Variants in TMEM88 observed in about 807,000 individuals in gnomAD.
The protein encoded by TMEM88 is transmembrane protein 88.
In TMEM88, 8 loss-of-function variants were observed where a neutral mutation model predicts 10.0. The ratio of observed to expected loss-of-function variants is 0.80; its 90% CI spans 0.47 to 1.44. The LOEUF (loss-of-function observed/expected upper bound fraction) is 1.44, where lower values mean the gene tolerates loss of function less well. Among genes scored for constraint, TMEM88 ranks in the 40% most tolerant of loss-of-function variants. The probability of loss-of-function intolerance (pLI) is 0.00; values close to 1 mark genes in which losing one functional copy is unlikely to be tolerated. For missense variants in TMEM88, 255 were observed against 217.8 expected, an observed-to-expected ratio of 1.17 and a Z score of -1.07; for synonymous variants, 139 against 104.9, an observed-to-expected ratio of 1.33 and a Z score of -1.99.
At position 7,856,033 on chromosome 17, in the gene TMEM88, TGGGGCTGGGGGGC is replaced by T. The variant is rs1485914260; in HGVS notation, c.*328_*340del. The T allele has an allele frequency of 2.1e-5, 24 of 1,152,046 alleles. No homozygotes were observed. The East Asian group carries it at 2.8e-4, about 13-fold the overall frequency. 71.4% of individuals were successfully genotyped at this position (1,152,046 alleles called of 1,614,324 possible). ...TATGGTGCAGCTTCTCTAGTATTTC[TGGGGCTGGGGGGC>T]GGGGCTGGAGGGGAAGGAGTGTCCA... is the stretch of plus-strand genomic sequence containing the variant. On this transcript the variant is annotated 3_prime_UTR_variant, in exon 2 of 2. Coordinates refer to ENST00000301599, the MANE Select transcript of TMEM88 (RefSeq NM_203411.2).
At position 7,855,838 on chromosome 17, in the gene TMEM88, C is replaced by T. The variant is rs1159583104; in HGVS notation, c.*124C>T. ...CTGCCTGAGCGGAGTCCTAGCATCC[C>T]CTTGGGAGCAGCAGCGTCAGTGGAC... is the stretch of plus-strand genomic sequence containing the variant. On this transcript the variant is annotated 3_prime_UTR_variant, in exon 2 of 2. Coordinates refer to ENST00000301599, the MANE Select transcript of TMEM88 (RefSeq NM_203411.2). The T allele has an allele frequency of 1.4e-6, 2 of 1,422,616 alleles. No individual in the cohort carries two copies. Among genetic ancestry groups the T allele is most frequent in the Non-Finnish European group, 9.2e-7 (1 of 1,090,946 alleles). 88.1% of individuals were successfully genotyped at this position (1,422,616 alleles called of 1,614,324 possible). A position where few individuals can be genotyped will look rare whatever the true frequency, so the allele number is the denominator to read the frequency against.
Position 7,856,059 on chromosome 17 carries a change from G to A in TMEM88, c.*345G>A, listed in dbSNP as rs2078805146. Reference sequence around the variant, plus strand: ...GGGGCTGGGGGGCGGGGCTGGAGGGGAAGGAGTGTCCACGCATCAATAAAG... The same window carrying A: ...GGGGCTGGGGGGCGGGGCTGGAGGGAAAGGAGTGTCCACGCATCAATAAAG... On this transcript the variant is annotated 3_prime_UTR_variant, in exon 2 of 2. Coordinates refer to ENST00000301599, the MANE Select transcript of TMEM88 (RefSeq NM_203411.2). 9.7e-7 allele frequency: 1 copy of A among 1,034,632 alleles called. No individual in the cohort carries two copies. The highest frequency in any genetic ancestry group is 1.7e-5 in the African/African-American group (1 of 60,278). 64.1% of individuals were successfully genotyped at this position (1,034,632 alleles called of 1,614,324 possible).
Position 7,856,028 on chromosome 17 carries a change from A to T in TMEM88, c.*314A>T. 4.0e-4 allele frequency: 395 copies of T among 977,926 alleles called. No homozygotes were observed. The highest frequency in any genetic ancestry group is 4.7e-4 in the Non-Finnish European group (353 of 744,238). The allele number at this position is 977,926 out of a possible 1,614,324, so 60.6% of individuals were successfully genotyped here. A position where few individuals can be genotyped will look rare whatever the true frequency, so the allele number is the denominator to read the frequency against. On this transcript the variant is annotated 3_prime_UTR_variant, in exon 2 of 2. Transcript: ENST00000301599. Reference sequence around the variant, plus strand: ...CGTTTTATGGTGCAGCTTCTCTAGTATTTCTGGGGCTGGGGGGCGGGGCTG... The same window carrying T: ...CGTTTTATGGTGCAGCTTCTCTAGTTTTTCTGGGGCTGGGGGGCGGGGCTG...
rs930000045 is a variant in TMEM88, at chr17:7,855,869, G to A, written c.*155G>A. 1 of 1,405,056 alleles carries A rather than the reference G, an allele frequency of 7.1e-7. No individual in the cohort carries two copies. The allele number at this position is 1,405,056 out of a possible 1,614,324, so 87.0% of individuals were successfully genotyped here. On this transcript the variant is annotated 3_prime_UTR_variant, in exon 2 of 2. Coordinates refer to ENST00000301599, the MANE Select transcript of TMEM88 (RefSeq NM_203411.2). ...GAGCAGCAGCGTCAGTGGACCCAGT[G>A]CTGAGAAAAGCCCCCACATCCCGGA...
chr17:7,855,320 A>T (rs367604233), intron 1 of TMEM88, 36 bp downstream of exon 1: 347 of 1,589,128 alleles, frequency 2.2e-4, no homozygotes, highest in Admixed American at 3.9e-4. Flanking sequence ...TGTGAGTGTG[A>T]GTGTTGGTGT....
In TMEM88 at chr17:7,855,657, A is replaced by C; in HGVS notation, c.423A>C (p.Gln141His). The C allele has an allele frequency of 6.2e-7, 1 of 1,606,532 alleles. No individual in the cohort carries two copies. Among genetic ancestry groups the C allele is most frequent in the Non-Finnish European group, 8.5e-7 (1 of 1,177,560 alleles). Residue 141 changes from glutamine (Q) to histidine (H), a missense_variant, in exon 2 of 2, where the codon CAA (glutamine) becomes CAC (histidine). Gln to His is a conservative substitution (Grantham distance 24). Transcript: ENST00000301599. ...GTCGGCGCGCCCCGCAGCCGCGGCA[A>C]ATCCGGGCCTCACCAGGGTCCCAGG... ...YRRRRAPQPRQIRASPGSQAV... is the reference protein window; with the variant it reads ...YRRRRAPQPRHIRASPGSQAV...
chr17:7,856,026 G>A lies in TMEM88; in HGVS notation c.*312G>A. On this transcript the variant is annotated 3_prime_UTR_variant, in exon 2 of 2. Transcript: ENST00000301599. ...CTCGTTTTATGGTGCAGCTTCTCTAGTATTTCTGGGGCTGGGGGGCGGGGC... is the reference window on the plus strand; with the variant it reads ...CTCGTTTTATGGTGCAGCTTCTCTAATATTTCTGGGGCTGGGGGGCGGGGC... The A allele has an allele frequency of 8.8e-7, 1 of 1,139,120 alleles. No homozygotes were observed. The highest frequency in any genetic ancestry group is 1.1e-6 in the Non-Finnish European group (1 of 889,572). 70.6% of individuals were successfully genotyped at this position (1,139,120 alleles called of 1,614,324 possible).
chr17:7,855,681 G>A lies in TMEM88; in HGVS notation c.447G>A (p.Gln149=). ...PRQIRASPGS[Q]AVPTSGKVWV ...AAATCCGGGCCTCACCAGGGTCCCA[G>A]GCCGTTCCCACATCAGGAAAGGTCT... The change falls in exon 2 of 2, where the codon CAG becomes CAA. Residue 149 remains glutamine, a synonymous_variant. Coordinates refer to ENST00000301599, the MANE Select transcript of TMEM88 (RefSeq NM_203411.2). 1.3e-6 allele frequency: 2 copies of A among 1,596,922 alleles called. No homozygotes were observed. Among genetic ancestry groups the A allele is most frequent in the Non-Finnish European group, 1.7e-6 (2 of 1,171,990 alleles).
In TMEM88 at chr17:7,855,782, C is replaced by T. The variant is rs927493230; in HGVS notation, c.*68C>T. On this transcript the variant is annotated 3_prime_UTR_variant, in exon 2 of 2. Coordinates refer to ENST00000301599, the MANE Select transcript of TMEM88 (RefSeq NM_203411.2). ...TTATTCGGCCCAAGGACTTGAAGCC[C>T]GGCATCTTCCGACCTGCCCTGCCCC... 4.2e-6 allele frequency: 6 copies of T among 1,445,052 alleles called. No homozygotes were observed. Among genetic ancestry groups the T allele is most frequent in the Non-Finnish European group, 5.5e-6 (6 of 1,100,108 alleles). The allele number at this position is 1,445,052 out of a possible 1,614,324, so 89.5% of individuals were successfully genotyped here.
chr17:7,855,622 C>CT lies in TMEM88; in HGVS notation c.391dup (p.Tyr131LeufsTer106), dbSNP rs1479409172. On this transcript the variant is annotated frameshift_variant, in exon 2 of 2. Coordinates refer to ENST00000301599, the MANE Select transcript of TMEM88 (RefSeq NM_203411.2). LOFTEE classifies it high-confidence loss of function. Reference sequence around the variant, plus strand: ...TTGCCTCGTGCCCTACAGCCGAGCCCTTTATCGGCGTCGGCGCGCCCCGCA... The same window carrying CT: ...TTGCCTCGTGCCCTACAGCCGAGCCCTTTTATCGGCGTCGGCGCGCCCCGCA... 1.9e-6 allele frequency: 3 copies of CT among 1,609,066 alleles called. No homozygotes were observed. In the South Asian group the frequency reaches 3.3e-5, roughly 18 times the overall value.
Position 7,855,833 on chromosome 17 carries a change from C to T in TMEM88, c.*119C>T. On this transcript the variant is annotated 3_prime_UTR_variant, in exon 2 of 2. Transcript: ENST00000301599. ...CACCCCTGCCTGAGCGGAGTCCTAG[C>T]ATCCCCTTGGGAGCAGCAGCGTCAG... The T allele has an allele frequency of 7.0e-7, 1 of 1,426,196 alleles. No homozygotes were observed. The highest frequency in any genetic ancestry group is 9.2e-7 in the Non-Finnish European group (1 of 1,092,654). The allele number at this position is 1,426,196 out of a possible 1,614,324, so 88.3% of individuals were successfully genotyped here. A position where few individuals can be genotyped will look rare whatever the true frequency, so the allele number is the denominator to read the frequency against.
At position 7,855,453 on chromosome 17, in the gene TMEM88, C is replaced by T. The variant is rs1366581246; in HGVS notation, c.219C>T (p.Arg73=). The change falls in exon 2 of 2, where the codon CGC becomes CGT. Residue 73 remains arginine (R), a synonymous_variant. Coordinates refer to ENST00000301599, the MANE Select transcript of TMEM88 (RefSeq NM_203411.2). ...FGFLCHSQFL[R]SQAPPCTAHL... ...CGCCTCTTCTCCCACAGTTCCTGCG[C>T]TCCCAGGCACCCCCTTGCACCGCGC... 5 of 1,604,302 alleles carry T rather than the reference C, an allele frequency of 3.1e-6. No individual in the cohort carries two copies. The African/African-American group carries it at 4.0e-5, about 13-fold the overall frequency.
At position 7,855,600 on chromosome 17, in the gene TMEM88, C is replaced by T. The variant is rs372158126; in HGVS notation, c.366C>T (p.Cys122=). Residue 122 remains cysteine (C), a synonymous_variant, in exon 2 of 2, where the codon TGC becomes TGT. Transcript: ENST00000301599. The stretch of plus-strand genomic sequence containing the variant: ...GCCTGCGCCTCCGCCTAGCCGATTG[C>T]CTCGTGCCCTACAGCCGAGCCCTTT... ...RLCLRLRLAD[C]LVPYSRALYR... 3 of 1,608,552 alleles carry T rather than the reference C, an allele frequency of 1.9e-6. No individual in the cohort carries two copies. The highest frequency in any genetic ancestry group is 2.7e-5 in the African/African-American group (2 of 74,932).
rs987767913 is a variant in TMEM88 at position 7,855,950 on chromosome 17, C to T, written c.*236C>T. 1.5e-6 allele frequency: 2 copies of T among 1,326,864 alleles called. No individual in the cohort carries two copies. The highest frequency in any genetic ancestry group is 1.5e-5 in the African/African-American group (1 of 66,362). The allele number at this position is 1,326,864 out of a possible 1,614,324, so 82.2% of individuals were successfully genotyped here. On this transcript the variant is annotated 3_prime_UTR_variant, in exon 2 of 2. Coordinates refer to ENST00000301599, the MANE Select transcript of TMEM88 (RefSeq NM_203411.2). ...CAATCCTGAACATCTAGGCTGGAAC[C>T]TGCACACCTCCCCCTCAGCTCCGTC...
In TMEM88 at chr17:7,855,907, C is replaced by T. The variant is rs2078803126; in HGVS notation, c.*193C>T. On this transcript the variant is annotated 3_prime_UTR_variant, in exon 2 of 2. Transcript: ENST00000301599. ...CCCACATCCCGGAAAACCCACTTTC[C>T]TTTCACGACCCACATCTCAATCCTG... 2.9e-6 allele frequency: 4 copies of T among 1,391,552 alleles called. No homozygotes were observed. The highest frequency in any genetic ancestry group is 1.7e-5 in the South Asian group (1 of 59,260). 86.2% of individuals were successfully genotyped at this position (1,391,552 alleles called of 1,614,324 possible).
At chr17:7,855,365 ACT>A in intron 1 of TMEM88, 78 bp from the exon 2 acceptor site, 1 of 1,590,484 alleles carries the variant, frequency 6.3e-7, no homozygotes, top group Non-Finnish European at 8.5e-7. Flanking sequence ...ATGGGCCACA[ACT>A]TCAACCCGCC....
chr17:7,855,959 T>TC lies in TMEM88; in HGVS notation c.*250dup. 1.5e-6 allele frequency: 2 copies of TC among 1,301,724 alleles called. No homozygotes were observed. Among genetic ancestry groups the TC allele is most frequent in the Non-Finnish European group, 9.7e-7 (1 of 1,026,346 alleles). 80.6% of individuals were successfully genotyped at this position (1,301,724 alleles called of 1,614,324 possible). On this transcript the variant is annotated 3_prime_UTR_variant, in exon 2 of 2. Transcript: ENST00000301599. ...ACATCTAGGCTGGAACCTGCACACC[T>TC]CCCCCTCAGCTCCGTCGTGAATGGG...
chr17:7,855,926 A>T lies in TMEM88; in HGVS notation c.*212A>T. 1 of 1,367,056 alleles carries T rather than the reference A, an allele frequency of 7.3e-7. No homozygotes were observed. 84.7% of individuals were successfully genotyped at this position (1,367,056 alleles called of 1,614,324 possible). On this transcript the variant is annotated 3_prime_UTR_variant, in exon 2 of 2. Transcript: ENST00000301599. ...ACTTTCCTTTCACGACCCACATCTC[A>T]ATCCTGAACATCTAGGCTGGAACCT...
chr17:7,855,783 G>A lies in TMEM88; in HGVS notation c.*69G>A. ...TATTCGGCCCAAGGACTTGAAGCCC[G>A]GCATCTTCCGACCTGCCCTGCCCCC... On this transcript the variant is annotated 3_prime_UTR_variant, in exon 2 of 2. Coordinates refer to ENST00000301599, the MANE Select transcript of TMEM88 (RefSeq NM_203411.2). 1 of 1,445,296 alleles carries A rather than the reference G, an allele frequency of 6.9e-7. No homozygotes were observed. The highest frequency in any genetic ancestry group is 9.1e-7 in the Non-Finnish European group (1 of 1,100,222). 89.5% of individuals were successfully genotyped at this position (1,445,296 alleles called of 1,614,324 possible). A position where few individuals can be genotyped will look rare whatever the true frequency, so the allele number is the denominator to read the frequency against.
Sources: allele counts gnomAD v4.1 joint callset, GRCh38; gene constraint gnomAD v4.1.1; transcripts MANE v1.5; gene names NCBI Gene and HGNC (gene_info 2026-07-23, HGNC 2026-07-21).